VIPR2: variants seen among roughly 807,000 people sequenced by gnomAD.
VIPR2 encodes vasoactive intestinal peptide receptor 2.
Under a neutral mutation model 58.0 loss-of-function variants are expected in VIPR2, and 48 were observed. The ratio of observed to expected loss-of-function variants is 0.83; its 90% CI spans 0.66 to 1.05. The LOEUF (loss-of-function observed/expected upper bound fraction) is 1.05. Among genes scored for constraint, VIPR2 ranks in the 50% least tolerant of loss-of-function variants. VIPR2 has a pLI of 0.00. For missense variants in VIPR2, 534 were observed against 558.0 expected, an observed-to-expected ratio of 0.96 and a Z score of 0.43; for synonymous variants, 243 against 235.2, an observed-to-expected ratio of 1.03 and a Z score of -0.30.
chr7:159,092,945 G>C (rs2129495404), intron 4 of VIPR2, among the ~76,000 whole-genome samples: 1 of 152,280 alleles, frequency 6.6e-6, no homozygotes, highest in South Asian at 2.1e-4. Context: ...CAGGCCTTGG[G>C]AACAAGGCTG....
intron 2 of VIPR2, among the ~76,000 whole-genome samples, chr7:159,115,414 C>T (rs902735821): frequency 3.3e-5 from 5 of 152,246 alleles, no homozygotes; most frequent in African/African-American, 1.2e-4. Context: ...TGTAAATAAT[C>T]CAAAATACCT....
chr7:159,035,556 G>A (rs1853885662), intron 8 of VIPR2, among the ~76,000 whole-genome samples: 1 of 152,230 alleles, frequency 6.6e-6, no homozygotes, highest in African/African-American at 2.4e-5. Context: ...CATGAGCCAA[G>A]ACCAGTGCTT....
chr7:159,048,349 G>A (rs891053923), intron 5 of VIPR2, among the ~76,000 whole-genome samples: 6 of 152,178 alleles, frequency 3.9e-5, no homozygotes, highest in African/African-American at 1.4e-4. Context: ...TGTTAATGTG[G>A]ATATGAATAG....
At chr7:159,036,157 T>C (rs1853940643) in intron 7 of VIPR2, 145 bp from the exon 8 acceptor site, 1 of 1,043,916 alleles carries the variant, frequency 9.6e-7, no homozygotes, top group Admixed American at 3.0e-5. Flanking sequence ...TTGTAAATAT[T>C]TACAAGTTTA....
chr7:159,137,378 A>T (rs1031422877), intron 2 of VIPR2, among the ~76,000 whole-genome samples: 6 of 151,510 alleles, frequency 4.0e-5, no homozygotes, highest in African/African-American at 1.2e-4. Flanking sequence ...ACATTACTTT[A>T]AAAAAAAATA....
At chr7:159,108,266 C>T (rs1166559096) in intron 3 of VIPR2, among the ~76,000 whole-genome samples, 2 of 152,244 alleles carry the variant, frequency 1.3e-5, no homozygotes, top group Non-Finnish European at 2.9e-5. Context: ...GTCGCATCCA[C>T]ATCTCTCTAA....
chr7:159,141,070 G>C (rs1006838910), intron 2 of VIPR2, among the ~76,000 whole-genome samples: 3 of 152,212 alleles, frequency 2.0e-5, no homozygotes, highest in Non-Finnish European at 4.4e-5. Context: ...AACCCTAAAA[G>C]CCTGTCTCTC....
chr7:159,042,390 C>G (rs1854406517), intron 6 of VIPR2, among the ~76,000 whole-genome samples: 1 of 152,290 alleles, frequency 6.6e-6, no homozygotes, highest in East Asian at 1.9e-4. Context: ...TCAACAGCAC[C>G]TGCTATGTTA....
chr7:159,035,618 T>C (rs1853890555), intron 8 of VIPR2: 3 of 928,254 alleles, frequency 3.2e-6, no homozygotes, highest in Non-Finnish European at 3.9e-6. Context: ...TCCACTTTGC[T>C]CCGGGTAAAC....
Position 159,098,550 on chromosome 7 carries a change from G to T in VIPR2, c.357+5207C>A, listed in dbSNP as rs142528362. Among the ~76,000 whole-genome samples the T allele has an allele frequency of 6.6e-6, 1 of 152,154 alleles. No homozygotes were observed. Among genetic ancestry groups the T allele is most frequent in the East Asian group, 1.9e-4 (1 of 5,138 alleles). ...GCAGCAGGTGAGACCCCAAATAAAG[G>T]CCCAGACCATGGCCACGGCTGGTGC... On this transcript the variant is annotated intron_variant, in intron 4 of 12. Coordinates refer to ENST00000262178, the MANE Select transcript of VIPR2 (RefSeq NM_003382.5). This position sits in a 1 kb window ranked among gnomAD's most constrained non-coding sequence, Gnocchi z 5.2.
chr7:159,043,159 C>G lies in VIPR2; in HGVS notation c.473G>C (p.Arg158Thr). ...GAACAGGTTCAGGTGGATGTAATTC[C>G]TGGTGCAGTGCAGCTTCCTGAGGTG... is the stretch of plus-strand genomic sequence containing the variant. The part of the protein sequence containing the change: ...LCLFRKLHCT[R>T]NYIHLNLFLS... The change falls in exon 6 of 13, where the codon AGG becomes ACG. Residue 158 changes from arginine to threonine, a missense_variant. Transcript: ENST00000262178. The G allele has an allele frequency of 6.2e-7, 1 of 1,609,728 alleles. No individual in the cohort carries two copies. The highest frequency in any genetic ancestry group is 8.5e-7 in the Non-Finnish European group (1 of 1,178,116).
Position 159,034,189 on chromosome 7 carries a change from G to A in VIPR2, c.971+24C>T, listed in dbSNP as rs145370979. Reference sequence around the variant, plus strand: ...TCCACACGGCATCCCCATCAGGGACGGCCAGGCCGGGACACACACTCACTT... The same window carrying A: ...TCCACACGGCATCCCCATCAGGGACAGCCAGGCCGGGACACACACTCACTT... On this transcript the variant is annotated intron_variant, in intron 10 of 12. Transcript: ENST00000262178. 166 of 1,611,554 alleles carry A rather than the reference G, an allele frequency of 1.0e-4. No homozygotes were observed. The East Asian group carries it at 3.3e-3, about 32-fold the overall frequency.
intron 4 of VIPR2, among the ~76,000 whole-genome samples, chr7:159,084,875 G>A (rs1291787061): frequency 6.6e-6 from 1 of 152,144 alleles, no homozygotes; most frequent in African/African-American, 2.4e-5. Flanking sequence ...TTTAGACACC[G>A]TCAGAAACCA....
chr7:159,118,125 G>C (rs1386901029), intron 2 of VIPR2, among the ~76,000 whole-genome samples: 1 of 152,166 alleles, frequency 6.6e-6, no homozygotes, highest in Non-Finnish European at 1.5e-5. Flanking sequence ...CGGGCTGAAG[G>C]ATGAGCCACT....
chr7:159,107,756 G>C (rs1303944790), intron 3 of VIPR2, among the ~76,000 whole-genome samples: 1 of 152,170 alleles, frequency 6.6e-6, no homozygotes, highest in African/African-American at 2.4e-5. Context: ...AGCTGCTGCA[G>C]GGCAGGGGTT....
At chr7:159,120,128 C>T (rs567826974) in intron 2 of VIPR2, among the ~76,000 whole-genome samples, 10 of 152,346 alleles carry the variant, frequency 6.6e-5, no homozygotes, top group Admixed American at 1.3e-4. Flanking sequence ...TGAGGGTCCT[C>T]GCGGCCCACA....
rs535968178 is a variant in VIPR2, at chr7:159,039,620, T to C, written c.598-2718A>G. On this transcript the variant is annotated intron_variant, in intron 6 of 12. Coordinates refer to ENST00000262178, the MANE Select transcript of VIPR2 (RefSeq NM_003382.5). ...TAGTGGGTGGCGCTTTGCGATGGGA[T>C]TAGTGCCCCTGTAAAGGGACCCCAG... 1.2e-4 allele frequency among the ~76,000 whole-genome samples: 3 copies of C among 25,062 alleles called. No homozygotes were observed. In the South Asian group the frequency reaches 4.1e-3, roughly 34 times the overall value. The allele number at this position is 25,062 out of a possible 152,430, so 16.4% of individuals were successfully genotyped here. A position where few individuals can be genotyped will look rare whatever the true frequency, so the allele number is the denominator to read the frequency against.
In VIPR2 at chr7:159,127,688, G is replaced by A. The variant is rs1315482122; in HGVS notation, c.151+14758C>T. Among the ~76,000 whole-genome samples the A allele has an allele frequency of 6.6e-6, 1 of 152,172 alleles. No individual in the cohort carries two copies. The highest frequency in any genetic ancestry group is 1.9e-4 in the East Asian group (1 of 5,198). ...GGCATGTAAACGCATGTGGGCATCA[G>A]GAAAATGGATGTGTGCTAATTCATC... On this transcript the variant is annotated intron_variant, in intron 2 of 12. Transcript: ENST00000262178. The surrounding 1 kb of genome is among the most constrained non-coding windows in gnomAD (Gnocchi z 4.6).
chr7:159,140,507 G>A (rs111921575), intron 2 of VIPR2, among the ~76,000 whole-genome samples: 16 of 152,258 alleles, frequency 1.1e-4, no homozygotes, highest in Non-Finnish European at 2.1e-4. Context: ...CTGAAGGGCA[G>A]TGTCTTGTTA....
Sources: allele counts gnomAD v4.1 joint callset (sites outside exome capture counted in the v4.1 genomes callset), GRCh38; gene constraint gnomAD v4.1.1; non-coding constraint Gnocchi (gnomAD v3.1); transcripts MANE v1.5; gene names NCBI Gene and HGNC (gene_info 2026-07-23, HGNC 2026-07-21).